Variants in ELF1 observed in about 807,000 individuals in gnomAD.
ELF1 encodes the protein ETS-related transcription factor Elf-1.
ELF1 carries 24 observed loss-of-function variants against 59.9 expected under a neutral mutation model. That is an observed-to-expected ratio of 0.40 (90% CI 0.29 to 0.56). The LOEUF (loss-of-function observed/expected upper bound fraction) is 0.56. Among genes scored for constraint, ELF1 ranks in the 20% least tolerant of loss-of-function variants. ELF1 has a pLI of 0.44. For missense variants in ELF1, 627 were observed against 742.2 expected, an observed-to-expected ratio of 0.84 and a Z score of 1.80; for synonymous variants, 248 against 266.2, an observed-to-expected ratio of 0.93 and a Z score of 0.67.
intron 2 of ELF1, among the ~76,000 whole-genome samples, chr13:40,961,193 G>T (rs958187508): frequency 6.6e-6 from 1 of 152,142 alleles, no homozygotes; most frequent in Non-Finnish European, 1.5e-5. Context: ...AATACACATT[G>T]TAGGTGCTAA....
chr13:40,977,308 T>C (rs996783560), intron 2 of ELF1, among the ~76,000 whole-genome samples: 3 of 152,132 alleles, frequency 2.0e-5, no homozygotes, highest in African/African-American at 7.2e-5. Context: ...CATTCAATAC[T>C]GATGGGGTTG....
chr13:41,057,498 C>A (rs375764199), intron 1 of ELF1, among the ~76,000 whole-genome samples: 1 of 151,970 alleles, frequency 6.6e-6, no homozygotes, highest in African/African-American at 2.4e-5. Context: ...GCCTCCAGGG[C>A]TCAAGTGATC....
intron 1 of ELF1, among the ~76,000 whole-genome samples, chr13:41,057,679 T>C (rs1344872041): frequency 6.6e-6 from 1 of 152,186 alleles, no homozygotes; most frequent in Non-Finnish European, 1.5e-5. Flanking sequence ...GCCTCTTTCA[T>C]GTATCTTCTA....
intron 5 of ELF1, among the ~76,000 whole-genome samples, chr13:40,947,736 T>C (rs1049008855): frequency 2.0e-5 from 3 of 152,160 alleles, no homozygotes; most frequent in Admixed American, 1.3e-4. Flanking sequence ...TAAAGCCCCG[T>C]TGAAGCTGAA....
At chr13:40,971,381 C>A (rs999624174) in intron 2 of ELF1, among the ~76,000 whole-genome samples, 1 of 152,126 alleles carries the variant, frequency 6.6e-6, no homozygotes, top group Non-Finnish European at 1.5e-5. Flanking sequence ...ACTCAGCCTC[C>A]TGAGTAGATG....
intron 1 of ELF1, among the ~76,000 whole-genome samples, chr13:41,058,450 C>T (rs1877367404): frequency 2.6e-5 from 4 of 152,140 alleles, no homozygotes; most frequent in Admixed American, 2.6e-4. Context: ...GATTCCTCAC[C>T]TCTGTTACTC....
rs1012954136 is a variant in ELF1 at position 41,001,070 on chromosome 13, G to A, written c.-229+18158C>T. ...CGGCTCACTGCAACCTCCACCTCCC[G>A]GGTTCAAGCGATTCTCCTGCCTCAG... On this transcript the variant is annotated intron_variant, in intron 1 of 8. Transcript: ENST00000239882. Among the ~76,000 whole-genome samples, 9 of 138,338 alleles carry A rather than the reference G, an allele frequency of 6.5e-5. No individual in the cohort carries two copies. The East Asian group carries it at 1.5e-3, about 23-fold the overall frequency. 90.8% of individuals were successfully genotyped at this position (138,338 alleles called of 152,430 possible). A position where few individuals can be genotyped will look rare whatever the true frequency, so the allele number is the denominator to read the frequency against.
intron 2 of ELF1, among the ~76,000 whole-genome samples, chr13:40,979,302 A>G (rs748748988): frequency 6.6e-5 from 10 of 152,176 alleles, no homozygotes; most frequent in Non-Finnish European, 1.3e-4. Context: ...AGCTTTAGAA[A>G]CATCAACTCA....
rs532143605 is a variant in ELF1 at position 40,932,451 on chromosome 13, T to C, written c.*974A>G. 1 of 152,104 alleles carries C rather than the reference T, an allele frequency of 6.6e-6. No homozygotes were observed. The highest frequency in any genetic ancestry group is 2.4e-5 in the African/African-American group (1 of 41,476). The allele number at this position is 152,104 out of a possible 1,614,324, so 9.4% of individuals were successfully genotyped here. On this transcript the variant is annotated 3_prime_UTR_variant, in exon 9 of 9. Coordinates refer to ENST00000239882, the MANE Select transcript of ELF1 (RefSeq NM_172373.4). ...TTTCTTGGCCCTTAAGAAAGAGTCT[T>C]GACTCTCTCAAAATAGCAGTATTCT...
intron 1 of ELF1, among the ~76,000 whole-genome samples, chr13:41,049,160 C>G (rs1293833418): frequency 6.6e-6 from 1 of 152,210 alleles, no homozygotes; most frequent in African/African-American, 2.4e-5. Flanking sequence ...AAGTCTTCTT[C>G]TTACTCCAGA....
At chr13:40,945,120 T>C (rs1192740592) in intron 5 of ELF1, among the ~76,000 whole-genome samples, 1 of 152,212 alleles carries the variant, frequency 6.6e-6, no homozygotes, top group Non-Finnish European at 1.5e-5. Context: ...CAACCAGTAT[T>C]AGAAGCCAAC....
intron 1 of ELF1, among the ~76,000 whole-genome samples, chr13:41,051,635 C>T (rs984976981): frequency 3.9e-5 from 6 of 152,012 alleles, no homozygotes; most frequent in African/African-American, 1.2e-4. Flanking sequence ...GTATCTTGGT[C>T]TCTGGACTCT....
In ELF1 at chr13:41,035,836, TAAA is replaced by T. The variant is rs776051057; in HGVS notation, c.-229+24999_-229+25001del. Among the ~76,000 whole-genome samples, 448 of 148,686 alleles carry T rather than the reference TAAA, an allele frequency of 3.0e-3. 8 individuals carry two copies. In the East Asian group the frequency reaches 0.049, roughly 16 times the overall value. ...GCCTTTACTTAACACAACTTCTTGTTAAAAAAAAAACAACAACAACAACAACAA... is the reference window on the plus strand; with the variant it reads ...GCCTTTACTTAACACAACTTCTTGTTAAAAAAACAACAACAACAACAACAA... On this transcript the variant is annotated intron_variant, in intron 1 of 1. Coordinates refer to the ELF1 transcript ENST00000405737.
exon 1 of ELF1, chr13:41,060,923 C>T (rs397706499): frequency 0.06 from 15,523 of 258,554 alleles, 1,137 homozygotes; most frequent in African/African-American, 0.19. Flanking sequence ...CTGCCGCCGC[C>T]GCCGCCGCCG....
intron 3 of ELF1, among the ~76,000 whole-genome samples, chr13:40,955,916 C>T (rs554128874): frequency 4.0e-5 from 5 of 125,226 alleles, no homozygotes; most frequent in South Asian, 5.5e-4. Context: ...GTCAGCCCCC[C>T]GCCCGGCCAG....
chr13:41,034,108 C>T (rs974222510), intron 1 of ELF1, among the ~76,000 whole-genome samples: 3 of 151,842 alleles, frequency 2.0e-5, no homozygotes, highest in Non-Finnish European at 4.4e-5. Flanking sequence ...TACTTCAGGC[C>T]GTAATCACAA....
chr13:40,978,911 T>A (rs953017536), intron 2 of ELF1, among the ~76,000 whole-genome samples: 1 of 152,068 alleles, frequency 6.6e-6, no homozygotes, highest in Non-Finnish European at 1.5e-5. Flanking sequence ...AGGGGGTACA[T>A]GTGCAGGTTT....
intron 1 of ELF1, among the ~76,000 whole-genome samples, chr13:41,001,810 T>C (rs1308685643): frequency 6.6e-6 from 1 of 151,848 alleles, no homozygotes; most frequent in Non-Finnish European, 1.5e-5. Context: ...CCGTGCACTG[T>C]GATCACAACT....
chr13:40,959,156 G>A (rs1333196157), intron 2 of ELF1, 140 bp from the exon 3 acceptor site: 1 of 1,245,104 alleles, frequency 8.0e-7, no homozygotes, highest in East Asian at 2.7e-5. Flanking sequence ...AATCTTTCTA[G>A]GCATTAGGTA....
Sources: gnomAD v4.1 joint callset for allele counts (sites outside exome capture counted in the v4.1 genomes callset) on GRCh38, gnomAD v4.1.1 for gene constraint, MANE v1.5 for transcripts, NCBI Gene and HGNC (gene_info 2026-07-23, HGNC 2026-07-21) for gene names.